The following NDST1 variants were observed in gnomAD, a reference collection of about 807,000 sequenced individuals.
NDST1 encodes the protein N-deacetylase and N-sulfotransferase 1, also known as bifunctional heparan sulfate N-deacetylase/N-sulfotransferase 1.
NDST1 carries 35 observed loss-of-function variants against 92.8 expected under a neutral mutation model. That is an observed-to-expected ratio of 0.38 (90% CI 0.29 to 0.50). The LOEUF (loss-of-function observed/expected upper bound fraction) is 0.50, where lower values mean the gene tolerates loss of function less well. Among genes scored for constraint, NDST1 ranks in the 20% least tolerant of loss-of-function variants. The probability of loss-of-function intolerance (pLI) is 0.94; values close to 1 mark genes in which losing one functional copy is unlikely to be tolerated. For synonymous variants in NDST1, 493 were observed against 500.3 expected (o/e 0.99, Z 0.19); for missense variants, 822 against 1,182.7 (o/e 0.69, Z 4.47).
At chr5:150,532,302 C>T (rs1754779700) in intron 3 of NDST1, among the ~76,000 whole-genome samples, 2 of 152,134 alleles carry the variant, frequency 1.3e-5, no homozygotes, top group Admixed American at 6.5e-5. Context: ...TATTATCATC[C>T]CTGTTTTACA....
chr5:150,511,712 C>T (rs994130872), intron 1 of NDST1, among the ~76,000 whole-genome samples: 1 of 152,026 alleles, frequency 6.6e-6, no homozygotes, highest in Non-Finnish European at 1.5e-5. Context: ...CAGCTTGGCT[C>T]CTGGCCAGGC....
At chr5:150,498,850 A>G (rs902669230) in intron 1 of NDST1, among the ~76,000 whole-genome samples, 1 of 152,174 alleles carries the variant, frequency 6.6e-6, no homozygotes, top group African/African-American at 2.4e-5. Context: ...TGATACCTCT[A>G]TGCCTGCTTC....
Position 150,543,002 on chromosome 5 carries a change from G to A in NDST1, c.1970+31G>A, listed in dbSNP as rs773976040. The A allele has an allele frequency of 9.9e-6, 16 of 1,613,134 alleles. No individual in the cohort carries two copies. The Admixed American group carries it at 1.3e-4, about 13-fold the overall frequency. On this transcript the variant is annotated intron_variant, in intron 10 of 14. Coordinates refer to ENST00000261797, the MANE Select transcript of NDST1 (RefSeq NM_001543.5). ...TTGGCCTTTCTGTCCACAGCGGGACGGGAAGGCCATCCTGGGGCCTCCCAG... is the reference window on the plus strand; with the variant it reads ...TTGGCCTTTCTGTCCACAGCGGGACAGGAAGGCCATCCTGGGGCCTCCCAG...
At chr5:150,517,703 C>T (rs1016408052) in intron 1 of NDST1, among the ~76,000 whole-genome samples, 2 of 152,192 alleles carry the variant, frequency 1.3e-5, no homozygotes, top group Non-Finnish European at 2.9e-5. Context: ...TTTTTTATGT[C>T]TGAAAAATGT....
Position 150,527,848 on chromosome 5 carries a change from C to A in NDST1, c.558C>A (p.Pro186=). 6.2e-7 allele frequency: 1 copy of A among 1,614,176 alleles called. No homozygotes were observed. Among genetic ancestry groups the A allele is most frequent in the Non-Finnish European group, 8.5e-7 (1 of 1,180,036 alleles). Residue 186 remains proline (P), a synonymous_variant, in exon 3 of 15, where the codon CCC becomes CCA. Coordinates refer to ENST00000261797, the MANE Select transcript of NDST1 (RefSeq NM_001543.5). ...TGAGTGCGCAGCTCAAGGGCTTCCC[C>A]CTGTTCCTGCACTCAAACCTGGGCC... ...SLLSAQLKGF[P]LFLHSNLGLK...
intron 1 of NDST1, among the ~76,000 whole-genome samples, chr5:150,510,091 C>T (rs1166375337): frequency 6.6e-6 from 1 of 152,158 alleles, no homozygotes; most frequent in Non-Finnish European, 1.5e-5. Flanking sequence ...ATCCTAGCTC[C>T]ACCTCTGCCC....
chr5:150,518,728 C>T (rs1437344546), intron 1 of NDST1: 1 of 152,020 alleles, frequency 6.6e-6, no homozygotes, highest in Non-Finnish European at 1.5e-5. Flanking sequence ...ATGTCCTTCT[C>T]CAACATATTG....
chr5:150,541,429 G>T, intron 8 of NDST1, 141 bp from the exon 9 acceptor site: 1 of 764,560 alleles, frequency 1.3e-6, no homozygotes, highest in Non-Finnish European at 2.3e-6. Context: ...CTCAGTGTCT[G>T]GGGGTGGGGA....
chr5:150,535,338 G>A, intron 5 of NDST1: 1 of 985,462 alleles, frequency 1.0e-6, no homozygotes, highest in Non-Finnish European at 1.2e-6. Context: ...AAAGCTGGAA[G>A]AGGTGGTCAA....
At chr5:150,525,808 T>G (rs1415884433) in intron 2 of NDST1, among the ~76,000 whole-genome samples, 1 of 152,168 alleles carries the variant, frequency 6.6e-6, no homozygotes, top group Non-Finnish European at 1.5e-5. Flanking sequence ...GCAGCTCTCC[T>G]GGGGGCCCCA....
intron 2 of NDST1, among the ~76,000 whole-genome samples, chr5:150,526,099 G>C (rs1347750012): frequency 6.6e-6 from 1 of 152,116 alleles, no homozygotes; most frequent in Non-Finnish European, 1.5e-5. Flanking sequence ...CAGGGCCTTT[G>C]CACTTGCTAT....
intron 10 of NDST1, among the ~76,000 whole-genome samples, chr5:150,543,873 G>C (rs185698520): frequency 1.4e-4 from 21 of 151,844 alleles, no homozygotes; most frequent in African/African-American, 4.3e-4. Flanking sequence ...TCTGCTTCCC[G>C]GGTTCAAGTG....
In NDST1 at chr5:150,521,144, G is replaced by A. The variant is rs1285420026; in HGVS notation, c.-111G>A. On this transcript the variant is annotated 5_prime_UTR_variant, in exon 2 of 15. Transcript: ENST00000261797. The surrounding 1 kb of genome is among the most constrained non-coding windows in gnomAD (Gnocchi z 5.9). Reference sequence around the variant, plus strand: ...GCCCCACAAGGGCGTCGCTTCCTAAGTCTCTGTGAATTTGTTGGTCAGTGG... The same window carrying A: ...GCCCCACAAGGGCGTCGCTTCCTAAATCTCTGTGAATTTGTTGGTCAGTGG... The A allele has an allele frequency of 4.9e-6, 5 of 1,010,310 alleles. No homozygotes were observed. The African/African-American group carries it at 8.1e-5, about 16-fold the overall frequency. 62.6% of individuals were successfully genotyped at this position (1,010,310 alleles called of 1,614,324 possible).
chr5:150,519,298 C>G (rs1046804810), intron 1 of NDST1, among the ~76,000 whole-genome samples: 2 of 152,208 alleles, frequency 1.3e-5, no homozygotes, highest in South Asian at 4.1e-4. Flanking sequence ...GATCTTTACC[C>G]TCTAGGCTGG....
At position 150,528,120 on chromosome 5, in the gene NDST1, A is replaced by G. The variant is rs772851364; in HGVS notation, c.830A>G (p.Gln277Arg). ...VQDLGLHDGI[Q>R]RVLFGNNLNF... ...GACCTGGGCCTGCACGACGGCATCC[A>G]GCGCGTGCTGTTTGGCAACAACCTG... The change falls in exon 3 of 15, where the codon CAG (glutamine) becomes CGG (arginine). Residue 277 changes from glutamine (Q) to arginine (R), a missense_variant. Gln to Arg is a conservative substitution (Grantham distance 43). Coordinates refer to ENST00000261797, the MANE Select transcript of NDST1 (RefSeq NM_001543.5). 2 of 1,614,180 alleles carry G rather than the reference A, an allele frequency of 1.2e-6. No homozygotes were observed. Among genetic ancestry groups the G allele is most frequent in the South Asian group, 2.2e-5 (2 of 91,086 alleles).
chr5:150,509,217 C>T (rs1377486748), intron 1 of NDST1, among the ~76,000 whole-genome samples: 2 of 152,144 alleles, frequency 1.3e-5, no homozygotes, highest in African/African-American at 4.8e-5. Flanking sequence ...GGCCTGGAGT[C>T]GGGCATGCGG....
chr5:150,518,493 A>G (rs1300094869), intron 1 of NDST1, among the ~76,000 whole-genome samples: 1 of 152,198 alleles, frequency 6.6e-6, no homozygotes, highest in Non-Finnish European at 1.5e-5. Flanking sequence ...GGCAGAGCTG[A>G]GACCAGACCT....
rs940152063 is a variant in NDST1 at position 150,545,401 on chromosome 5, C to T, written c.2060C>T (p.Pro687Leu). ...AACTACTTTGATTCAGAAGTGGCGC[C>T]CCGGCGGGCAGCAGCCCTCTTGCCC... ...SANYFDSEVAPRRAAALLPKA... is the reference protein window; with the variant it reads ...SANYFDSEVALRRAAALLPKA... Residue 687 changes from proline to leucine, a missense_variant, in exon 11 of 15, where the codon CCC becomes CTC. Physicochemically the swap from Pro to Leu is moderately conservative, Grantham distance 98. Transcript: ENST00000261797. 17 of 1,614,090 alleles carry T rather than the reference C, an allele frequency of 1.1e-5. No homozygotes were observed. The highest frequency in any genetic ancestry group is 8.8e-5 in the South Asian group (8 of 91,084).
At chr5:150,504,499 G>A (rs565538021), upstream of NDST1, among the ~76,000 whole-genome samples, 4 of 152,212 alleles carry the variant, frequency 2.6e-5, no homozygotes, top group Admixed American at 1.3e-4. Flanking sequence ...CTCCATTATC[G>A]TAATCTTGCC....
Sources: allele counts gnomAD v4.1 joint callset (sites outside exome capture counted in the v4.1 genomes callset), GRCh38; gene constraint gnomAD v4.1.1; non-coding constraint Gnocchi (gnomAD v3.1); transcripts MANE v1.5; gene names NCBI Gene and HGNC (gene_info 2026-07-23, HGNC 2026-07-21).